Variants in PPP1R12A observed in about 807,000 individuals in gnomAD.
PPP1R12A encodes myosin binding subunit.
In PPP1R12A, 19 loss-of-function variants were observed where a neutral mutation model predicts 139.6. The observed-to-expected ratio is 0.14, with a 90% CI of 0.09 to 0.20. The LOEUF (loss-of-function observed/expected upper bound fraction) is 0.20, where lower values mean the gene tolerates loss of function less well. PPP1R12A is among the 10% of genes least tolerant of loss of function. PPP1R12A has a pLI of 1.00. For missense variants in PPP1R12A, 925 were observed against 1,211.5 expected (o/e 0.76, Z 3.51); for synonymous variants, 427 against 420.6 (o/e 1.02, Z -0.19).
At chr12:79,935,292 G>C, upstream of PPP1R12A, 2 of 1,060,542 alleles carry the variant, frequency 1.9e-6, no homozygotes, top group Non-Finnish European at 2.3e-6. Context: ...AACTGCGGCG[G>C]TGGTGGCTGG....
At chr12:79,812,424 C>T (rs1484288214) in intron 9 of PPP1R12A, among the ~76,000 whole-genome samples, 5 of 32,572 alleles carry the variant, frequency 1.5e-4, no homozygotes, top group Non-Finnish European at 2.7e-4. Context: ...GTGTGTGTAA[C>T]GTTCCTTATA....
chr12:79,925,624 T>A (rs2136958911), intron 1 of PPP1R12A, among the ~76,000 whole-genome samples: 1 of 152,324 alleles, frequency 6.6e-6, no homozygotes, highest in Non-Finnish European at 1.5e-5. Flanking sequence ...CTACTGAATG[T>A]CATTTCAGAA....
At chr12:79,824,913 C>T (rs1386414110) in intron 5 of PPP1R12A, 1 of 152,102 alleles carries the variant, frequency 6.6e-6, no homozygotes, top group Non-Finnish European at 1.5e-5. Context: ...CACAAACACA[C>T]TAGAGACATT....
intron 2 of PPP1R12A, among the ~76,000 whole-genome samples, chr12:79,853,810 ATTGT>A (rs1464858596): frequency 2.0e-5 from 3 of 152,244 alleles, no homozygotes; most frequent in Admixed American, 6.5e-5. Context: ...AGTACTACTT[ATTGT>A]TTAACAATTC....
chr12:79,854,226 G>C (rs1250038903), intron 2 of PPP1R12A, among the ~76,000 whole-genome samples: 2 of 151,952 alleles, frequency 1.3e-5, no homozygotes, highest in African/African-American at 2.4e-5. Flanking sequence ...TGTGGCGGGG[G>C]GGCAGGGGAA....
intron 8 of PPP1R12A, chr12:79,818,810 A>G (rs1875727491): frequency 6.6e-6 from 1 of 152,256 alleles, no homozygotes; most frequent in Admixed American, 6.5e-5. Context: ...TTATTTTACA[A>G]AATTCAGCAA....
In PPP1R12A at chr12:79,934,809, G is replaced by T; in HGVS notation, c.123C>A (p.Gly41=). 1 of 1,596,218 alleles carries T rather than the reference G, an allele frequency of 6.3e-7. No homozygotes were observed. The highest frequency in any genetic ancestry group is 2.3e-5 in the East Asian group (1 of 43,816). The part of the protein sequence containing the change: ...RQKTKVKFDD[G]AVFLAACSSG... ...TGGAGCAAGCAGCCAGGAAGACGGC[G>T]CCATCGTCGAACTTCACCTTGGTCT... is the stretch of plus-strand genomic sequence containing the variant. The change falls in exon 1 of 25, where the codon GGC becomes GGA. Residue 41 remains glycine, a synonymous_variant. Transcript: ENST00000450142.
chr12:79,877,718 G>GTAA (rs1434802750), intron 1 of PPP1R12A, among the ~76,000 whole-genome samples: 5 of 152,088 alleles, frequency 3.3e-5, no homozygotes, highest in Non-Finnish European at 7.4e-5. Flanking sequence ...GTTTCAACAT[G>GTAA]CTGGCCCGGC....
chr12:79,910,892 T>C (rs12423052), intron 1 of PPP1R12A, among the ~76,000 whole-genome samples: 3,599 of 152,212 alleles, frequency 0.024, 218 homozygotes, highest in East Asian at 0.23. Flanking sequence ...CTAACACAAA[T>C]CACTTGAAAC....
intron 19 of PPP1R12A, 39 bp downstream of exon 19, chr12:79,793,824 A>G (rs765352960): frequency 4.0e-5 from 58 of 1,446,740 alleles, no homozygotes; most frequent in Non-Finnish European, 1.1e-5. Flanking sequence ...TTATTAAAAA[A>G]TATGAATACT....
At chr12:79,897,213 AAAT>A (rs1034391525) in intron 1 of PPP1R12A, among the ~76,000 whole-genome samples, 3 of 152,230 alleles carry the variant, frequency 2.0e-5, no homozygotes, top group Non-Finnish European at 4.4e-5. Flanking sequence ...AGCCATAAAA[AAAT>A]AACGAAATCA....
intron 1 of PPP1R12A, among the ~76,000 whole-genome samples, chr12:79,929,301 G>A (rs1421596203): frequency 6.6e-6 from 1 of 152,182 alleles, no homozygotes; most frequent in East Asian, 1.9e-4. Context: ...CTCACAGGTC[G>A]TGGATCGACC....
chr12:79,918,394 C>T (rs1292763253), intron 1 of PPP1R12A, among the ~76,000 whole-genome samples: 1 of 152,168 alleles, frequency 6.6e-6, no homozygotes, highest in African/African-American at 2.4e-5. Context: ...GTACATTTTA[C>T]ACTTGATTTT....
intron 22 of PPP1R12A, among the ~76,000 whole-genome samples, chr12:79,783,957 C>G (rs1016299253): frequency 2.0e-5 from 3 of 151,984 alleles, no homozygotes; most frequent in African/African-American, 7.2e-5. Flanking sequence ...ATATTTTTTC[C>G]CTTCCTTGGA....
intron 9 of PPP1R12A, among the ~76,000 whole-genome samples, chr12:79,813,174 CT>C (rs1452053818): frequency 5.8e-4 from 88 of 152,240 alleles, no homozygotes; most frequent in African/African-American, 2.1e-3. Context: ...TTCCTGTTTA[CT>C]TTGTATATAT....
chr12:79,801,599 C>A (rs1406320455), intron 14 of PPP1R12A, among the ~76,000 whole-genome samples: 1 of 151,746 alleles, frequency 6.6e-6, no homozygotes, highest in African/African-American at 2.4e-5. Context: ...TTTTAGAGAG[C>A]CCTCATTCTT....
intron 19 of PPP1R12A, among the ~76,000 whole-genome samples, chr12:79,791,254 A>T (rs879534114): frequency 6.6e-6 from 1 of 152,206 alleles, no homozygotes; most frequent in Non-Finnish European, 1.5e-5. Flanking sequence ...CACTGATTTA[A>T]ATTTTAACAA....
intron 14 of PPP1R12A, among the ~76,000 whole-genome samples, chr12:79,804,883 C>G (rs953229315): frequency 5.9e-5 from 9 of 152,130 alleles, no homozygotes; most frequent in South Asian, 2.1e-4. Flanking sequence ...CTCTGGGTCT[C>G]AGTTTCCTTC....
intron 14 of PPP1R12A, among the ~76,000 whole-genome samples, chr12:79,802,648 T>C (rs1428038225): frequency 1.3e-5 from 2 of 152,024 alleles, no homozygotes; most frequent in Non-Finnish European, 2.9e-5. Context: ...CTGGGTGTGA[T>C]GGCACACCTG....
Sources: gnomAD v4.1 joint callset for allele counts (sites outside exome capture counted in the v4.1 genomes callset) on GRCh38, gnomAD v4.1.1 for gene constraint, MANE v1.5 for transcripts, NCBI Gene and HGNC (gene_info 2026-07-23, HGNC 2026-07-21) for gene names.